The following JAKMIP1 variants were observed in gnomAD, a reference collection of about 807,000 sequenced individuals.
JAKMIP1 encodes janus kinase and microtubule interacting protein 1.
In JAKMIP1, 33 loss-of-function variants were observed where a neutral mutation model predicts 113.0. The ratio of observed to expected loss-of-function variants is 0.29; its 90% confidence interval spans 0.22 to 0.39. The LOEUF (loss-of-function observed/expected upper bound fraction) is 0.39. JAKMIP1 is among the 10% of genes least tolerant of loss of function. The probability of loss-of-function intolerance (pLI) is 1.00; values close to 1 mark genes in which losing one functional copy is unlikely to be tolerated. For missense variants in JAKMIP1, 813 were observed against 1,080.5 expected (o/e 0.75, Z 3.47); for synonymous variants, 480 against 459.9 (o/e 1.04, Z -0.56).
chr4:6,163,551 A>C (rs574701300), intron 1 of JAKMIP1, among the ~76,000 whole-genome samples: 1 of 152,248 alleles, frequency 6.6e-6, no homozygotes, highest in African/African-American at 2.4e-5. Flanking sequence ...AGGCCAATTA[A>C]TAACCCTACA....
Position 6,168,103 on chromosome 4 carries a change from C to A in JAKMIP1, c.-148+32150G>T, listed in dbSNP as rs1029735869. Among the ~76,000 whole-genome samples, 7 of 152,200 alleles carry A rather than the reference C, an allele frequency of 4.6e-5. No homozygotes were observed. In the East Asian group the frequency reaches 7.7e-4, roughly 17 times the overall value. ...ACCGCAGTGAGACGGCACCACACAC[C>A]ACCCAGGACGGCTGCAATCAAAAAA... is the stretch of plus-strand genomic sequence containing the variant. On this transcript the variant is annotated intron_variant, in intron 1 of 20. Coordinates refer to ENST00000409021, the MANE Select transcript of JAKMIP1 (RefSeq NM_001099433.2). This position sits in a 1 kb window ranked among gnomAD's most constrained non-coding sequence, Gnocchi z 4.6.
At position 6,079,014 on chromosome 4, in the gene JAKMIP1, A is replaced by G; in HGVS notation, c.1243-16T>C. 6.2e-7 allele frequency: 1 copy of G among 1,614,068 alleles called. No individual in the cohort carries two copies. Among genetic ancestry groups the G allele is most frequent in the Non-Finnish European group, 8.5e-7 (1 of 1,179,966 alleles). On this transcript the variant is annotated splice_polypyrimidine_tract_variant and intron_variant, in intron 7 of 20. Coordinates refer to ENST00000409021, the MANE Select transcript of JAKMIP1 (RefSeq NM_001099433.2). The stretch of plus-strand genomic sequence containing the variant: ...GTTCTCTCTCCTAGAAGGAAACACA[A>G]CGGTTGGCATTTCCAGCCAGCCTCA...
At chr4:6,163,190 C>T (rs1490634074) in intron 1 of JAKMIP1, among the ~76,000 whole-genome samples, 2 of 152,226 alleles carry the variant, frequency 1.3e-5, no homozygotes, top group Non-Finnish European at 2.9e-5. Context: ...TCAACTTTAT[C>T]GTGCTTCGCA....
chr4:6,136,268 A>G lies in JAKMIP1; in HGVS notation c.-147-23271T>C, dbSNP rs1377123596. On this transcript the variant is annotated intron_variant, in intron 1 of 20. Coordinates refer to ENST00000409021, the MANE Select transcript of JAKMIP1 (RefSeq NM_001099433.2). This position sits in a 1 kb window ranked among gnomAD's most constrained non-coding sequence, Gnocchi z 5.9. ...GTAAATAAATAAATACATAAATAAC[A>G]TGTACCAAAGTGCTTGACGTCTAAA... is the stretch of plus-strand genomic sequence containing the variant. 6.6e-6 allele frequency among the ~76,000 whole-genome samples: 1 copy of G among 152,090 alleles called. No individual in the cohort carries two copies. Among genetic ancestry groups the G allele is most frequent in the African/African-American group, 2.4e-5 (1 of 41,422 alleles).
chr4:6,078,853 T>C (rs1401576227), intron 8 of JAKMIP1, 86 bp downstream of exon 8: 5 of 1,361,804 alleles, frequency 3.7e-6, no homozygotes, highest in African/African-American at 2.9e-5. Flanking sequence ...GACCCCTCTG[T>C]AAAACCTCCC....
chr4:6,071,470 T>C (rs1718951867), intron 8 of JAKMIP1, among the ~76,000 whole-genome samples: 1 of 152,224 alleles, frequency 6.6e-6, no homozygotes, highest in African/African-American at 2.4e-5. Flanking sequence ...ACCCAGCCTC[T>C]GCAGCAGCTT....
intron 1 of JAKMIP1, among the ~76,000 whole-genome samples, chr4:6,161,293 C>CCTGACCTCCACTCATCTCCT (rs367650852): frequency 0.036 from 5,341 of 147,294 alleles, 316 homozygotes; most frequent in African/African-American, 0.1. Context: ...CACTCAGCTC[C>CCTGACCTCCACTCATCTCCT]CTGACCTCCA....
Position 6,106,258 on chromosome 4 carries a change from AGACGACTGCTCAAT to A in JAKMIP1, c.130-305_130-292del, listed in dbSNP as rs1460647297. Among the ~76,000 whole-genome samples the A allele has an allele frequency of 6.6e-6, 1 of 152,240 alleles. No homozygotes were observed. Among genetic ancestry groups the A allele is most frequent in the African/African-American group, 2.4e-5 (1 of 41,462 alleles). On this transcript the variant is annotated intron_variant, in intron 2 of 20. Coordinates refer to ENST00000409021, the MANE Select transcript of JAKMIP1 (RefSeq NM_001099433.2). The surrounding 1 kb of genome is among the most constrained non-coding windows in gnomAD (Gnocchi z 5.9). ...GACATCTCTTCCAGGTTGTAAATTG[AGACGACTGCTCAAT>A]CACAAAACACACCCTGCAGAAATCA...
intron 12 of JAKMIP1, chr4:6,054,768 CA>C (rs1560115698): frequency 2.2e-6 from 1 of 456,650 alleles, no homozygotes; most frequent in East Asian, 6.9e-5. Flanking sequence ...AGAAGGGAAA[CA>C]GCAGCACCCA....
rs1720092598 is a variant in JAKMIP1 at position 6,078,962 on chromosome 4, C to T, written c.1279G>A (p.Gly427Arg). The T allele has an allele frequency of 6.2e-7, 1 of 1,614,202 alleles. No individual in the cohort carries two copies. Among genetic ancestry groups the T allele is most frequent in the Non-Finnish European group, 8.5e-7 (1 of 1,180,034 alleles). Residue 427 changes from glycine (G) to arginine (R), a missense_variant, in exon 8 of 21, where the codon GGG becomes AGG. By Grantham distance (125) the Gly-to-Arg change is moderately radical (BLOSUM62 -2). Transcript: ENST00000409021. ...ACCTTGGGCGGTTTCAGACTTTTCC[C>T]TCGATGCCTTTTGGAGCGCAACAGC... is the stretch of plus-strand genomic sequence containing the variant. Reference protein sequence around the residue: ...ERLLRSKRHRGKSLKPPKKHV... With the variant: ...ERLLRSKRHRRKSLKPPKKHV...
In JAKMIP1 at chr4:6,080,610, TC is replaced by T. The variant is rs1273213355; in HGVS notation, c.1102-299del. Among the ~76,000 whole-genome samples, 5 of 152,148 alleles carry T rather than the reference TC, an allele frequency of 3.3e-5. No homozygotes were observed. The highest frequency in any genetic ancestry group is 1.2e-4 in the African/African-American group (5 of 41,434). ...GTCTCTGATGTTTTTATAAGGGTTT[TC>T]CCCTTTTACTTGGCTCTCAGTCTGT... is the stretch of plus-strand genomic sequence containing the variant. On this transcript the variant is annotated intron_variant, in intron 6 of 20. Transcript: ENST00000409021. This position sits in a 1 kb window ranked among gnomAD's most constrained non-coding sequence, Gnocchi z 6.0.
In JAKMIP1 at chr4:6,139,473, AAAG is replaced by A. The variant is rs767168568; in HGVS notation, c.-147-26479_-147-26477del. On this transcript the variant is annotated intron_variant, in intron 1 of 20. Coordinates refer to ENST00000409021, the MANE Select transcript of JAKMIP1 (RefSeq NM_001099433.2). This position sits in a 1 kb window ranked among gnomAD's most constrained non-coding sequence, Gnocchi z 5.2. ...ACCAATATGATGGGTGTTCCTACAA[AAAG>A]AAGAAATGGGGCTGGTCGTGGTGGC... Among the ~76,000 whole-genome samples, 1 of 152,116 alleles carries A rather than the reference AAAG, an allele frequency of 6.6e-6. No individual in the cohort carries two copies. The highest frequency in any genetic ancestry group is 1.5e-5 in the Non-Finnish European group (1 of 68,052).
Position 6,157,750 on chromosome 4 carries a change from C to T in JAKMIP1, c.-148+42503G>A, listed in dbSNP as rs578207771. The stretch of plus-strand genomic sequence containing the variant: ...ACTGAGCAGGTTAGATATGCCTCTC[C>T]GTAAACACCAGCCATGAAGCAGCAC... On this transcript the variant is annotated intron_variant, in intron 1 of 20. Coordinates refer to ENST00000409021, the MANE Select transcript of JAKMIP1 (RefSeq NM_001099433.2). The surrounding 1 kb of genome is among the most constrained non-coding windows in gnomAD (Gnocchi z 4.7). Among the ~76,000 whole-genome samples, 126 of 152,260 alleles carry T rather than the reference C, an allele frequency of 8.3e-4. No individual in the cohort carries two copies. The highest frequency in any genetic ancestry group is 2.9e-3 in the African/African-American group (121 of 41,552).
In JAKMIP1 at chr4:6,120,893, C is replaced by T. The variant is rs528603787; in HGVS notation, c.-147-7896G>A. ...GCATTTCTTGGCACACTTCCTGGCA[C>T]AAAGCAAGCTCAAAAAATGGCAGCA... On this transcript the variant is annotated intron_variant, in intron 1 of 20. Coordinates refer to ENST00000409021, the MANE Select transcript of JAKMIP1 (RefSeq NM_001099433.2). 5.8e-3 allele frequency among the ~76,000 whole-genome samples: 56 copies of T among 9,592 alleles called. No individual in the cohort carries two copies. In the East Asian group the frequency reaches 0.48, roughly 82 times the overall value. The allele number at this position is 9,592 out of a possible 152,430, so 6.3% of individuals were successfully genotyped here. A position where few individuals can be genotyped will look rare whatever the true frequency, so the allele number is the denominator to read the frequency against.
chr4:6,097,016 A>ATTTT lies in JAKMIP1; in HGVS notation c.624+8456_624+8457insAAAA, dbSNP rs1369345813. On this transcript the variant is annotated intron_variant, in intron 3 of 20. Coordinates refer to ENST00000409021, the MANE Select transcript of JAKMIP1 (RefSeq NM_001099433.2). This position sits in a 1 kb window ranked among gnomAD's most constrained non-coding sequence, Gnocchi z 4.3. ...TTCCTGACAATGAATGTATTTATTT[A>ATTTT]TTCAAGACAGACTCTCTCTCTGTCA... Among the ~76,000 whole-genome samples the ATTTT allele has an allele frequency of 6.6e-6, 1 of 152,114 alleles. No individual in the cohort carries two copies. Among genetic ancestry groups the ATTTT allele is most frequent in the African/African-American group, 2.4e-5 (1 of 41,412 alleles).
Position 6,040,616 on chromosome 4 carries a change from G to A in JAKMIP1, c.2175+23C>T, listed in dbSNP as rs1303598126. 4 of 1,590,702 alleles carry A rather than the reference G, an allele frequency of 2.5e-6. No individual in the cohort carries two copies. The highest frequency in any genetic ancestry group is 3.4e-6 in the Non-Finnish European group (4 of 1,159,718). On this transcript the variant is annotated intron_variant, in intron 18 of 20. Transcript: ENST00000409021. This position sits in a 1 kb window ranked among gnomAD's most constrained non-coding sequence, Gnocchi z 5.8. The stretch of plus-strand genomic sequence containing the variant: ...AATGTGGAGTCTAAGAAGCCAAAGT[G>A]TCAAACCCACTTCTGGTCCTACCAG...
At chr4:6,091,080 G>T (rs575502281) in intron 3 of JAKMIP1, among the ~76,000 whole-genome samples, 1 of 152,230 alleles carries the variant, frequency 6.6e-6, no homozygotes, top group African/African-American at 2.4e-5. Context: ...AATGAAACCA[G>T]CAGCCCATCT....
At chr4:6,164,532 T>C (rs533940442) in intron 1 of JAKMIP1, among the ~76,000 whole-genome samples, 1 of 152,362 alleles carries the variant, frequency 6.6e-6, no homozygotes, top group South Asian at 2.1e-4. Context: ...GTTTAAGTAG[T>C]ATTATTTAAG....
At chr4:6,100,589 T>C (rs528669568) in intron 3 of JAKMIP1, among the ~76,000 whole-genome samples, 1 of 152,332 alleles carries the variant, frequency 6.6e-6, no homozygotes, top group South Asian at 2.1e-4. Context: ...CTTGGGTAGA[T>C]ACTTAGGAGT....
Sources: allele counts gnomAD v4.1 joint callset (sites outside exome capture counted in the v4.1 genomes callset), GRCh38; gene constraint gnomAD v4.1.1; non-coding constraint Gnocchi (gnomAD v3.1); transcripts MANE v1.5; gene names NCBI Gene and HGNC (gene_info 2026-07-23, HGNC 2026-07-21).